MAPKAPK5: variants seen among roughly 807,000 people sequenced by gnomAD.
MAPKAPK5 encodes the protein MAP kinase-activated protein kinase 5.
A neutral mutation model predicts 65.1 loss-of-function variants in MAPKAPK5; 30 were observed. The ratio of observed to expected loss-of-function variants is 0.46; its 90% CI spans 0.34 to 0.63. The LOEUF is 0.63. Among genes scored for constraint, MAPKAPK5 ranks in the 20% least tolerant of loss-of-function variants. The pLI is 0.01. For synonymous variants in MAPKAPK5, 179 were observed against 204.6 expected (o/e 0.87, Z 1.07); for missense variants, 433 against 581.4 (o/e 0.74, Z 2.63).
At chr12:111,860,711 T>C (rs1196503795) in intron 1 of MAPKAPK5, among the ~76,000 whole-genome samples, 2 of 152,200 alleles carry the variant, frequency 1.3e-5, no homozygotes, top group African/African-American at 2.4e-5. Flanking sequence ...CCTGAACCTC[T>C]AGCAGATTTT....
intron 2 of MAPKAPK5, among the ~76,000 whole-genome samples, chr12:111,865,793 G>T (rs1566244272): frequency 7.2e-6 from 1 of 138,522 alleles, no homozygotes; most frequent in Non-Finnish European, 1.5e-5. Flanking sequence ...CTGAGATCAT[G>T]CCACTGCACT....
intron 2 of MAPKAPK5, 52 bp downstream of exon 2, chr12:111,865,375 T>G: frequency 8.1e-7 from 1 of 1,235,848 alleles, no homozygotes; most frequent in Non-Finnish European, 1.2e-6. Context: ...GTGCAAACTC[T>G]GAGAAGGGCC....
In MAPKAPK5 at chr12:111,901,433, T is replaced by C. The variant is rs1170932354; in HGVS notation, c.*8372T>C. The C allele has an allele frequency of 8.8e-6, 4 of 455,896 alleles. No individual in the cohort carries two copies. Among genetic ancestry groups the C allele is most frequent in the Non-Finnish European group, 1.8e-5 (4 of 226,798 alleles). 28.2% of individuals were successfully genotyped at this position (455,896 alleles called of 1,614,324 possible). On this transcript the variant is annotated 3_prime_UTR_variant, in exon 14 of 14. Transcript: ENST00000550735. ...GAGAAGGTGAAAATCACAATATGAC[T>C]CATTCCAGACGTGAAGAACATGCTG...
chr12:111,863,961 C>A (rs764639574), intron 1 of MAPKAPK5, among the ~76,000 whole-genome samples: 11 of 152,004 alleles, frequency 7.2e-5, no homozygotes, highest in Non-Finnish European at 1.3e-4. Flanking sequence ...TGGAAGCCTG[C>A]AAAAATGAAT....
chr12:111,860,094 T>C (rs2069386036), intron 1 of MAPKAPK5, among the ~76,000 whole-genome samples: 1 of 152,196 alleles, frequency 6.6e-6, no homozygotes, highest in Non-Finnish European at 1.5e-5. Flanking sequence ...ATATTTTCAT[T>C]TTTTCTTCCC....
At chr12:111,892,161 C>T (rs1369086709) in intron 13 of MAPKAPK5, among the ~76,000 whole-genome samples, 1 of 152,186 alleles carries the variant, frequency 6.6e-6, no homozygotes, top group Non-Finnish European at 1.5e-5. Context: ...CATTCATTTT[C>T]ACTGTATGAA....
chr12:111,886,989 G>A (rs142262224), intron 10 of MAPKAPK5, among the ~76,000 whole-genome samples: 149 of 152,310 alleles, frequency 9.8e-4, no homozygotes, highest in African/African-American at 3.4e-3. Context: ...TGGCATATCT[G>A]GTGATAACAT....
rs1046309060 is a variant in MAPKAPK5, at chr12:111,852,855, C to A, written c.36+10086C>A. Among the ~76,000 whole-genome samples the A allele has an allele frequency of 2.0e-5, 3 of 152,190 alleles. No individual in the cohort carries two copies. The South Asian group carries it at 6.2e-4, about 32-fold the overall frequency. On this transcript the variant is annotated intron_variant, in intron 1 of 13. Transcript: ENST00000550735. Reference sequence around the variant, plus strand: ...GTAGTGCAATCTCGGCTGACGGCAACCTCTGCCTCCCAGGTTCAAGCAATT... The same window carrying A: ...GTAGTGCAATCTCGGCTGACGGCAAACTCTGCCTCCCAGGTTCAAGCAATT...
chr12:111,853,361 A>G (rs60912067), intron 1 of MAPKAPK5, among the ~76,000 whole-genome samples: 2,336 of 151,940 alleles, frequency 0.015, 71 homozygotes, highest in African/African-American at 0.053. Context: ...GACAGAGCGA[A>G]ACTTCGTCTC....
intron 1 of MAPKAPK5, among the ~76,000 whole-genome samples, chr12:111,855,961 T>G (rs1418478776): frequency 1.3e-5 from 2 of 151,372 alleles, no homozygotes; most frequent in South Asian, 2.1e-4. Flanking sequence ...GTTCAAGCGA[T>G]TATCCTGCCT....
At chr12:111,859,427 C>T (rs1176077655) in intron 1 of MAPKAPK5, among the ~76,000 whole-genome samples, 6 of 151,490 alleles carry the variant, frequency 4.0e-5, no homozygotes, top group South Asian at 2.1e-4. Context: ...TACAGGCACC[C>T]GCCACCACGC....
intron 1 of MAPKAPK5, among the ~76,000 whole-genome samples, chr12:111,858,731 C>T (rs1362327310): frequency 2.1e-5 from 3 of 146,062 alleles, no homozygotes; most frequent in Non-Finnish European, 3.0e-5. Flanking sequence ...TTAGTAGAGA[C>T]GGGGTTTCAC....
At chr12:111,849,914 G>A (rs1288014148) in intron 1 of MAPKAPK5, among the ~76,000 whole-genome samples, 1 of 151,702 alleles carries the variant, frequency 6.6e-6, no homozygotes, top group East Asian at 2.0e-4. Flanking sequence ...GTAGAGACAC[G>A]GGTCCCACTG....
At chr12:111,870,988 C>A in intron 6 of MAPKAPK5, 97 bp from the exon 7 acceptor site, 2 of 847,416 alleles carry the variant, frequency 2.4e-6, no homozygotes, top group South Asian at 1.7e-5. Flanking sequence ...TGGAAAGAAA[C>A]TTGTTAGATC....
chr12:111,858,502 A>C (rs1196594886), intron 1 of MAPKAPK5, among the ~76,000 whole-genome samples: 1 of 146,086 alleles, frequency 6.8e-6, no homozygotes, highest in Non-Finnish European at 1.5e-5. Flanking sequence ...TTTCATGTTC[A>C]CTAATTATTC....
intron 10 of MAPKAPK5, among the ~76,000 whole-genome samples, chr12:111,887,216 A>G (rs1367283144): frequency 6.6e-6 from 1 of 152,208 alleles, no homozygotes; most frequent in African/African-American, 2.4e-5. Context: ...TAGCTGGAGC[A>G]TGGAAGAAAA....
chr12:111,888,777 T>C, intron 11 of MAPKAPK5, 108 bp from the exon 12 acceptor site: 1 of 1,516,232 alleles, frequency 6.6e-7, no homozygotes, highest in Non-Finnish European at 8.9e-7. Flanking sequence ...TTGGACACTA[T>C]TGTTATTTTT....
At chr12:111,846,479 A>G (rs966652401) in intron 1 of MAPKAPK5, among the ~76,000 whole-genome samples, 11 of 151,064 alleles carry the variant, frequency 7.3e-5, no homozygotes, top group African/African-American at 1.2e-4. Flanking sequence ...CCAGAAATCA[A>G]TAATTCATAA....
intron 4 of MAPKAPK5, 96 bp downstream of exon 4, chr12:111,867,765 C>T (rs1023021950): frequency 3.5e-6 from 3 of 867,878 alleles, no homozygotes; most frequent in African/African-American, 3.3e-5. Context: ...CTTCCCTCTC[C>T]TTCTTCCTCC....
Sources: allele counts gnomAD v4.1 joint callset (sites outside exome capture counted in the v4.1 genomes callset), GRCh38; gene constraint gnomAD v4.1.1; transcripts MANE v1.5; gene names NCBI Gene and HGNC (gene_info 2026-07-23, HGNC 2026-07-21).